PLEKHG5: variants seen among roughly 807,000 people sequenced by gnomAD.
The protein encoded by PLEKHG5 is pleckstrin homology and RhoGEF domain containing G5, also known as pleckstrin homology domain-containing family G member 5.
Under a neutral mutation model 103.8 loss-of-function variants are expected in PLEKHG5, and 52 were observed. That is an observed-to-expected ratio of 0.50 (90% confidence interval 0.40 to 0.63). The LOEUF (loss-of-function observed/expected upper bound fraction) is 0.63. Among genes scored for constraint, PLEKHG5 ranks in the 30% least tolerant of loss-of-function variants. The pLI, the probability that PLEKHG5 is intolerant of heterozygous loss-of-function variation, is 0.00. For synonymous variants in PLEKHG5, 592 were observed against 575.5 expected, an observed-to-expected ratio of 1.03 and a Z score of -0.41; for missense variants, 1,205 against 1,347.6, an observed-to-expected ratio of 0.89 and a Z score of 1.66.
intron 1 of PLEKHG5, among the ~76,000 whole-genome samples, chr1:6,482,115 A>G (rs1358222613): frequency 6.6e-6 from 1 of 151,960 alleles, no homozygotes; most frequent in Admixed American, 6.6e-5. Context: ...ATTGAAATGC[A>G]TGGCTCCCTG....
intron 7 of PLEKHG5, 98 bp downstream of exon 7, chr1:6,473,915 G>A (rs994849824): frequency 8.5e-7 from 1 of 1,182,976 alleles, no homozygotes; most frequent in Admixed American, 2.3e-5. Flanking sequence ...CCAAGATGGG[G>A]CAGTGAGAGA....
rs1346162495 is a variant in PLEKHG5 at position 6,471,008 on chromosome 1, G to A, written c.1374C>T (p.Leu458=). The change falls in exon 13 of 21, where the codon CTC becomes CTT. Residue 458 remains leucine, a synonymous_variant. Coordinates refer to ENST00000377728, the MANE Select transcript of PLEKHG5 (RefSeq NM_020631.6). ...YMRGLLRDND[L]FRAYITWAEK... ...CCCTCACCGTGATGTAGGCCCGGAA[G>A]AGGTCGTTGTCGCGCAGCAGGCCGC... 12 of 1,605,262 alleles carry A rather than the reference G, an allele frequency of 7.5e-6. No individual in the cohort carries two copies. The highest frequency in any genetic ancestry group is 1.7e-5 in the Admixed American group (1 of 59,382).
At chr1:6,501,258 C>T (rs1645294177), upstream of PLEKHG5, among the ~76,000 whole-genome samples, 1 of 152,174 alleles carries the variant, frequency 6.6e-6, no homozygotes, top group Non-Finnish European at 1.5e-5. This position sits in a 1 kb window ranked among gnomAD's most constrained non-coding sequence, Gnocchi z 4.3. Flanking sequence ...CCGGACACAA[C>T]TGAGCTTCTG....
intron 19 of PLEKHG5, 48 bp from the exon 20 acceptor site, chr1:6,468,634 C>T (rs1644469092): frequency 8.7e-6 from 14 of 1,605,242 alleles, no homozygotes; most frequent in African/African-American, 5.4e-5. Flanking sequence ...ACCTAGATGG[C>T]CTGAGGCAGC....
chr1:6,480,315 G>GC (rs1644866705), intron 1 of PLEKHG5, among the ~76,000 whole-genome samples: 1 of 151,938 alleles, frequency 6.6e-6, no homozygotes, highest in Admixed American at 6.6e-5. Flanking sequence ...GATTGCCTGA[G>GC]CTCAGGAGTT....
At chr1:6,496,457 G>GC, upstream of PLEKHG5, 1 of 1,505,258 alleles carries the variant, frequency 6.6e-7, no homozygotes, top group Non-Finnish European at 9.2e-7. Context: ...TGGCCCCTCT[G>GC]CCCCCGAGGG....
rs1253943707 is a variant in PLEKHG5 at position 6,487,799 on chromosome 1, C to T, written c.-88+3838G>A. ...TTTATCATCATTCTTCCCTACCAGA[C>T]TGTCCTCTCCAGAAGCCAGCGCCTT... On this transcript the variant is annotated intron_variant, in intron 1 of 20. Transcript: ENST00000377728. The surrounding 1 kb of genome is among the most constrained non-coding windows in gnomAD (Gnocchi z 4.1). Among the ~76,000 whole-genome samples, 1 of 152,210 alleles carries T rather than the reference C, an allele frequency of 6.6e-6. No individual in the cohort carries two copies. Among genetic ancestry groups the T allele is most frequent in the Admixed American group, 6.5e-5 (1 of 15,288 alleles).
At chr1:6,513,647 A>G (rs1390892660) in intron 1 of PLEKHG5, among the ~76,000 whole-genome samples, 2 of 152,246 alleles carry the variant, frequency 1.3e-5, no homozygotes, top group African/African-American at 2.4e-5. Flanking sequence ...AGTCTGTCCA[A>G]GGAACAAAGG....
intron 1 of PLEKHG5, among the ~76,000 whole-genome samples, chr1:6,512,898 G>C (rs537788824): frequency 8.1e-4 from 49 of 60,150 alleles, no homozygotes; most frequent in Non-Finnish European, 1.8e-3. Context: ...GGGTGGCCAT[G>C]GGGGGGTGAA....
At chr1:6,496,915 TG>T, upstream of PLEKHG5, 8 of 1,462,934 alleles carry the variant, frequency 5.5e-6, no homozygotes, top group East Asian at 5.3e-5. Flanking sequence ...GCAGGGCTGC[TG>T]GGGGGAAGGG....
At chr1:6,471,393 T>C (rs1392371939) in intron 12 of PLEKHG5, 95 bp downstream of exon 12, 9 of 1,374,196 alleles carry the variant, frequency 6.5e-6, no homozygotes, top group African/African-American at 4.3e-5. Flanking sequence ...CTGGGGGAGG[T>C]TGGGGATGCT....
At chr1:6,496,697 C>G, upstream of PLEKHG5, 3 of 648,096 alleles carry the variant, frequency 4.6e-6, no homozygotes, top group Non-Finnish European at 7.5e-6. Flanking sequence ...GTCAGCGTCC[C>G]TTTCTCTTTT....
At position 6,469,155 on chromosome 1, in the gene PLEKHG5, C is replaced by T. The variant is rs1476714835; in HGVS notation, c.2136G>A (p.Glu712=). ...QSLEEEEDEQ[E]EEEEEEEEEE... ...CCTCCTCCTCCTCCTCCTCTTCCTC[C>T]TCCTGCTCATCCTCCTCCTCTTCCA... The change falls in exon 19 of 21, where the codon GAG becomes GAA. Residue 712 remains glutamate (E), a synonymous_variant. Coordinates refer to ENST00000377728, the MANE Select transcript of PLEKHG5 (RefSeq NM_020631.6). 1 of 1,612,754 alleles carries T rather than the reference C, an allele frequency of 6.2e-7. No homozygotes were observed. The highest frequency in any genetic ancestry group is 1.7e-5 in the Admixed American group (1 of 60,012).
intron 1 of PLEKHG5, among the ~76,000 whole-genome samples, chr1:6,518,122 C>T (rs971483295): frequency 2.6e-5 from 4 of 151,614 alleles, no homozygotes; most frequent in South Asian, 4.2e-4. Flanking sequence ...TTAGTAGAGA[C>T]GGGGTTTCAC....
intron 1 of PLEKHG5, among the ~76,000 whole-genome samples, chr1:6,510,270 G>A (rs1189147137): frequency 1.3e-5 from 2 of 152,024 alleles, no homozygotes; most frequent in African/African-American, 2.4e-5. Context: ...CTCCCCAAAC[G>A]CTCCACCAGG....
In PLEKHG5 at chr1:6,473,235, A is replaced by T. The variant is rs561541939; in HGVS notation, c.795+16T>A. On this transcript the variant is annotated intron_variant, in intron 8 of 20. Transcript: ENST00000377728. ...GCCAGCCAGCTGCCTGACCCTGGGC[A>T]GATGGGGCCACATACCCGGCCAAAG... 3.7e-6 allele frequency: 6 copies of T among 1,612,660 alleles called. No individual in the cohort carries two copies. The East Asian group carries it at 1.3e-4, about 36-fold the overall frequency.
chr1:6,518,851 TG>T (rs1389427653), intron 1 of PLEKHG5, among the ~76,000 whole-genome samples: 1 of 152,164 alleles, frequency 6.6e-6, no homozygotes, highest in African/African-American at 2.4e-5. Context: ...CATATGTTTT[TG>T]TTTTTGTTTG....
At chr1:6,472,716 C>A in intron 9 of PLEKHG5, 94 bp from the exon 10 acceptor site, 1 of 916,754 alleles carries the variant, frequency 1.1e-6, no homozygotes, top group Non-Finnish European at 1.7e-6. Context: ...CTCATTTTCC[C>A]AATGGGGACA....
Position 6,471,893 on chromosome 1 carries a change from T to C in PLEKHG5, c.1081-85A>G. The stretch of plus-strand genomic sequence containing the variant: ...ACCCAGCCTCAGGCTCCCCTGCCAC[T>C]CCTTCCCCTTCCCCGTTCCAGGAGG... On this transcript the variant is annotated intron_variant, in intron 10 of 20. Transcript: ENST00000377728. The C allele has an allele frequency of 3.0e-6, 4 of 1,330,130 alleles. No individual in the cohort carries two copies. In the East Asian group the frequency reaches 1.0e-4, roughly 33 times the overall value. The allele number at this position is 1,330,130 out of a possible 1,614,324, so 82.4% of individuals were successfully genotyped here.
Sources: gnomAD v4.1 joint callset for allele counts (sites outside exome capture counted in the v4.1 genomes callset) on GRCh38, gnomAD v4.1.1 for gene constraint, Gnocchi (gnomAD v3.1) non-coding constraint, MANE v1.5 for transcripts, NCBI Gene and HGNC (gene_info 2026-07-23, HGNC 2026-07-21) for gene names.